Variants in RPS6KC1 observed in about 807,000 individuals in gnomAD.
RPS6KC1 encodes the protein ribosomal protein S6 kinase C1.
In RPS6KC1, 54 loss-of-function variants were observed where a neutral mutation model predicts 103.8. That is an observed-to-expected ratio of 0.52 (90% CI 0.42 to 0.65). The LOEUF (loss-of-function observed/expected upper bound fraction) is 0.65. RPS6KC1 is among the 30% of genes least tolerant of loss of function. The probability of loss-of-function intolerance (pLI) is 0.00; values close to 1 mark genes in which losing one functional copy is unlikely to be tolerated. For synonymous variants in RPS6KC1, 439 were observed against 438.7 expected, an observed-to-expected ratio of 1.00 and a Z score of -0.01; for missense variants, 1,151 against 1,253.8, an observed-to-expected ratio of 0.92 and a Z score of 1.24.
At chr1:213,624,525 A>G in the RPS6KC1 span, among the ~76,000 whole-genome samples, 26 of 152,204 alleles carry the variant, frequency 1.7e-4, no homozygotes, top group Non-Finnish European at 2.6e-4. Context: ...TTGCAAAAGC[A>G]GTCATGGAGA....
the RPS6KC1 span, among the ~76,000 whole-genome samples, chr1:213,623,517 T>C: frequency 1.3e-5 from 2 of 152,126 alleles, no homozygotes; most frequent in Non-Finnish European, 2.9e-5. Flanking sequence ...GAGGGACTGG[T>C]GGCAAAGGCA....
At chr1:213,377,732 C>T in the RPS6KC1 span, among the ~76,000 whole-genome samples, 1 of 152,252 alleles carries the variant, frequency 6.6e-6, no homozygotes, top group East Asian at 1.9e-4. Context: ...CTAAGAGGTG[C>T]TACATGTCTG....
At chr1:213,800,875 G>C in the RPS6KC1 span, among the ~76,000 whole-genome samples, 1 of 152,058 alleles carries the variant, frequency 6.6e-6, no homozygotes, top group African/African-American at 2.4e-5. Context: ...GATTAGAGTT[G>C]AGCTATTTCT....
the RPS6KC1 span, among the ~76,000 whole-genome samples, chr1:213,759,675 T>C: frequency 6.6e-6 from 1 of 152,202 alleles, no homozygotes; most frequent in African/African-American, 2.4e-5. Flanking sequence ...CTCTGTCCTG[T>C]CTTCTTCCCA....
At chr1:213,454,285 TATCA>T in the RPS6KC1 span, among the ~76,000 whole-genome samples, 13 of 152,208 alleles carry the variant, frequency 8.5e-5, no homozygotes, top group African/African-American at 1.2e-4. Flanking sequence ...ATATTCTTAA[TATCA>T]ATCTGACACC....
the RPS6KC1 span, among the ~76,000 whole-genome samples, chr1:213,550,403 T>A: frequency 6.6e-6 from 1 of 152,196 alleles, no homozygotes; most frequent in African/African-American, 2.4e-5. Context: ...GTCCTCTTTT[T>A]TTAAAGAAAA....
chr1:213,647,207 G>A, the RPS6KC1 span, among the ~76,000 whole-genome samples: 29 of 152,148 alleles, frequency 1.9e-4, no homozygotes, highest in African/African-American at 7.0e-4. Context: ...CACCACACCC[G>A]ACTAGCATCC....
chr1:213,449,036 A>G, the RPS6KC1 span, among the ~76,000 whole-genome samples: 1 of 152,072 alleles, frequency 6.6e-6, no homozygotes, highest in South Asian at 2.1e-4. Context: ...TGTCCTTTGT[A>G]ATTTGTCACC....
At chr1:213,680,621 A>G in the RPS6KC1 span, among the ~76,000 whole-genome samples, 1 of 152,028 alleles carries the variant, frequency 6.6e-6, no homozygotes, top group South Asian at 2.1e-4. Context: ...ACATGATAAT[A>G]TTATCCTAAA....
the RPS6KC1 span, among the ~76,000 whole-genome samples, chr1:213,541,790 C>T: frequency 5.3e-5 from 8 of 152,226 alleles, no homozygotes; most frequent in East Asian, 1.5e-3. Context: ...GCAACATGGG[C>T]CAGTGCTCCA....
the RPS6KC1 span, among the ~76,000 whole-genome samples, chr1:213,859,037 G>T: frequency 2.6e-5 from 4 of 151,998 alleles, no homozygotes; most frequent in Non-Finnish European, 5.9e-5. Flanking sequence ...TTTTTTTCCT[G>T]CATGTCCCAA....
chr1:213,456,472 A>T, the RPS6KC1 span, among the ~76,000 whole-genome samples: 5 of 152,118 alleles, frequency 3.3e-5, no homozygotes, highest in Admixed American at 3.3e-4. Flanking sequence ...ACGTATCTTC[A>T]TTTGTCGCCT....
At chr1:213,831,722 C>G in the RPS6KC1 span, among the ~76,000 whole-genome samples, 2 of 152,076 alleles carry the variant, frequency 1.3e-5, no homozygotes, top group Non-Finnish European at 2.9e-5. Context: ...CTTCTTATCT[C>G]TAAGATTGAA....
At chr1:213,359,615 AT>A in the RPS6KC1 span, among the ~76,000 whole-genome samples, 1 of 152,140 alleles carries the variant, frequency 6.6e-6, no homozygotes, top group East Asian at 1.9e-4. Context: ...TTAGCTGGTT[AT>A]TTTGCTCGTT....
the RPS6KC1 span, among the ~76,000 whole-genome samples, chr1:213,493,185 G>A: frequency 9.2e-5 from 14 of 152,288 alleles, no homozygotes; most frequent in Admixed American, 2.6e-4. Flanking sequence ...AATGAAATTA[G>A]TGGCAGTTTG....
At chr1:213,095,390 T>C (rs1467846217) in intron 3 of RPS6KC1, among the ~76,000 whole-genome samples, 1 of 152,242 alleles carries the variant, frequency 6.6e-6, no homozygotes. Context: ...TAACATGCAT[T>C]TTAAAAAAGT....
the RPS6KC1 span, among the ~76,000 whole-genome samples, chr1:213,616,024 A>C: frequency 4.6e-5 from 7 of 152,258 alleles, no homozygotes; most frequent in African/African-American, 1.7e-4. Flanking sequence ...CAAGTGCTTG[A>C]ATGAATCCTT....
the RPS6KC1 span, among the ~76,000 whole-genome samples, chr1:213,735,043 C>T: frequency 1.3e-5 from 2 of 152,190 alleles, no homozygotes; most frequent in Non-Finnish European, 2.9e-5. Flanking sequence ...TCTGCCTCAG[C>T]CTCCCCAGTG....
chr1:213,664,731 G>C, the RPS6KC1 span, among the ~76,000 whole-genome samples: 1 of 152,114 alleles, frequency 6.6e-6, no homozygotes, highest in Admixed American at 6.5e-5. Context: ...CTTGGTCCAC[G>C]ACTTTGTGGG....
Sources: gnomAD v4.1 joint callset for allele counts (sites outside exome capture counted in the v4.1 genomes callset) on GRCh38, gnomAD v4.1.1 for gene constraint, MANE v1.5 for transcripts, NCBI Gene and HGNC (gene_info 2026-07-23, HGNC 2026-07-21) for gene names.